The following AFF2 variants were observed in gnomAD, a reference collection of about 807,000 sequenced individuals.
AFF2 encodes the protein ALF transcription elongation factor 2.
AFF2 carries 14 observed loss-of-function variants against 76.9 expected under a neutral mutation model. The ratio of observed to expected loss-of-function variants is 0.18; its 90% confidence interval spans 0.12 to 0.28. The LOEUF (loss-of-function observed/expected upper bound fraction) is 0.28. AFF2 is among the 10% of genes least tolerant of loss of function. The pLI is 1.00. For synonymous variants in AFF2, 398 were observed against 366.7 expected (o/e 1.09, Z -0.98); for missense variants, 868 against 1,001.1 (o/e 0.87, Z 1.79).
At chrX:148,852,388 G>GT (rs1557275459) in intron 7 of AFF2, among the ~76,000 whole-genome samples, 14 of 44,153 alleles carry the variant, frequency 3.2e-4, no homozygotes, top group Admixed American at 3.9e-4. Context: ...ACCAGCAGCT[G>GT]GTTTTTTTTT....
intron 1 of AFF2, among the ~76,000 whole-genome samples, chrX:148,614,775 T>TTTCC (rs2053778383): frequency 1.2e-5 from 1 of 81,285 alleles, no homozygotes; most frequent in African/African-American, 6.4e-5. Flanking sequence ...TCTTTCTTTC[T>TTTCC]TTCTTTCTTT....
intron 7 of AFF2, among the ~76,000 whole-genome samples, chrX:148,854,094 G>T: frequency 1.8e-5 from 2 of 111,538 alleles, no homozygotes. Context: ...CTTTACTACT[G>T]GATTAAAATT....
intron 7 of AFF2, among the ~76,000 whole-genome samples, chrX:148,873,361 A>C (rs1237269124): frequency 1.8e-5 from 2 of 110,564 alleles, no homozygotes; most frequent in Admixed American, 1.9e-4. Flanking sequence ...AAACTGCTGC[A>C]ACCCAGGCAG....
intron 19 of AFF2, among the ~76,000 whole-genome samples, chrX:148,984,243 C>T (rs781893673): frequency 1.2e-4 from 13 of 111,186 alleles, no homozygotes; most frequent in Non-Finnish European, 2.3e-4. Context: ...GCATGCCTGA[C>T]AAGTTCAAGG....
At chrX:148,646,208 C>T (rs781884747) in intron 1 of AFF2, among the ~76,000 whole-genome samples, 1,357 of 2,414 alleles carry the variant, frequency 0.56, 23 homozygotes, top group African/African-American at 0.58. Context: ...AATATTCTAA[C>T]ATTAATATCA....
chrX:148,790,011 T>C (rs1355199136), intron 3 of AFF2, among the ~76,000 whole-genome samples: 1 of 111,266 alleles, frequency 9.0e-6, no homozygotes, highest in East Asian at 2.8e-4. Flanking sequence ...ATTTAAAAAA[T>C]GGCCCATTAT....
chrX:148,786,806 C>T (rs782421529), intron 3 of AFF2, among the ~76,000 whole-genome samples: 1 of 111,704 alleles, frequency 9.0e-6, no homozygotes, highest in African/African-American at 3.3e-5. Context: ...GTGTTTGAAA[C>T]TCCTACAATG....
chrX:148,629,433 A>G (rs1157862302), intron 1 of AFF2, among the ~76,000 whole-genome samples: 3 of 112,239 alleles, frequency 2.7e-5, no homozygotes, highest in East Asian at 5.6e-4. Flanking sequence ...GCTGATTGAA[A>G]CAAATTGTTT....
At chrX:148,959,218 CCTTCTGTT>C (rs2072079392) in intron 12 of AFF2, among the ~76,000 whole-genome samples, 3 of 111,800 alleles carry the variant, frequency 2.7e-5, no homozygotes, top group African/African-American at 9.8e-5. Flanking sequence ...AGAAGTCCTG[CCTTCTGTT>C]TCTGCCAAGC....
chrX:148,803,484 T>C (rs190164383), intron 3 of AFF2, among the ~76,000 whole-genome samples: 3 of 111,523 alleles, frequency 2.7e-5, no homozygotes, highest in Non-Finnish European at 5.7e-5. Context: ...CTTGAGGGAA[T>C]GTGAGCCAGG....
chrX:148,854,475 AAG>A (rs1318966936), intron 7 of AFF2, among the ~76,000 whole-genome samples: 2 of 111,674 alleles, frequency 1.8e-5, no homozygotes, highest in Non-Finnish European at 3.8e-5. Context: ...TAACGATACT[AAG>A]AGAAGATACT....
intron 7 of AFF2, 85 bp from the exon 8 acceptor site, chrX:148,885,804 T>C: frequency 1.2e-6 from 1 of 809,342 alleles, no homozygotes; most frequent in Non-Finnish European, 1.9e-6. Context: ...GTAGCTCCAA[T>C]ACTTTATTCT....
chrX:148,938,162 A>T (rs1557285219), intron 9 of AFF2, among the ~76,000 whole-genome samples: 2 of 112,180 alleles, frequency 1.8e-5, no homozygotes, highest in African/African-American at 6.5e-5. Flanking sequence ...ACTTTGAGAC[A>T]GCCACTGCAC....
chrX:148,796,008 T>G (rs782297657), intron 3 of AFF2, among the ~76,000 whole-genome samples: 2 of 103,691 alleles, frequency 1.9e-5, no homozygotes, highest in Non-Finnish European at 3.9e-5. Flanking sequence ...TTGCATTATT[T>G]AAATTGGTAT....
At chrX:148,613,214 G>A (rs1279996280) in intron 1 of AFF2, among the ~76,000 whole-genome samples, 1 of 112,054 alleles carries the variant, frequency 8.9e-6, no homozygotes, top group Non-Finnish European at 1.9e-5. Flanking sequence ...GTGGCCTATT[G>A]TGCTGGCAAT....
intron 2 of AFF2, among the ~76,000 whole-genome samples, chrX:148,660,719 C>T (rs1557257623): frequency 8.9e-6 from 1 of 112,193 alleles, no homozygotes; most frequent in Non-Finnish European, 1.9e-5. Flanking sequence ...CCAGATGGCT[C>T]CTTGAATACT....
At chrX:148,825,721 G>T (rs1448673787) in intron 4 of AFF2, among the ~76,000 whole-genome samples, 1 of 105,716 alleles carries the variant, frequency 9.5e-6, no homozygotes, top group Non-Finnish European at 1.9e-5. Flanking sequence ...CAGTCTCTGT[G>T]GGTGGCTTGC....
intron 1 of AFF2, among the ~76,000 whole-genome samples, chrX:148,575,972 G>A (rs782717023): frequency 6.3e-5 from 7 of 110,284 alleles, no homozygotes; most frequent in Non-Finnish European, 1.1e-4. Context: ...TGAGTAATTG[G>A]GCTGATCATG....
At chrX:148,960,469 T>A (rs2072096068) in intron 12 of AFF2, among the ~76,000 whole-genome samples, 1 of 112,312 alleles carries the variant, frequency 8.9e-6, no homozygotes. Flanking sequence ...AGTGTTTCCC[T>A]TGTAGCCTTT....
Sources: allele counts gnomAD v4.1 joint callset (sites outside exome capture counted in the v4.1 genomes callset), GRCh38; gene constraint gnomAD v4.1.1; transcripts MANE v1.5; gene names NCBI Gene and HGNC (gene_info 2026-07-23, HGNC 2026-07-21).